Variants in OR1J2 observed in about 807,000 individuals in gnomAD.
The protein encoded by OR1J2 is olfactory receptor family 1 subfamily J member 2, also known as olfactory receptor 1J2.
For missense variants in OR1J2, 304 were observed against 246.1 expected (o/e 1.24, Z -1.57); for synonymous variants, 142 against 99.7 (o/e 1.42, Z -2.52).
chr9:122,496,721 G>C, the OR1J2 span, among the ~76,000 whole-genome samples: 3 of 152,010 alleles, frequency 2.0e-5, no homozygotes, highest in Non-Finnish European at 4.4e-5. Context: ...AGCAGGGAGG[G>C]GGCTTCCAGG....
chr9:122,548,764 C>T, the OR1J2 span, among the ~76,000 whole-genome samples: 31 of 112,550 alleles, frequency 2.8e-4, no homozygotes, highest in Non-Finnish European at 4.8e-4. Flanking sequence ...CCCCACCCCA[C>T]AACAGGCCCC....
the OR1J2 span, chr9:122,449,023 G>A: frequency 4.0e-5 from 6 of 151,290 alleles, no homozygotes; most frequent in East Asian, 1.2e-3. Context: ...AAAAAAGTAG[G>A]GTAAGAACAA....
the OR1J2 span, among the ~76,000 whole-genome samples, chr9:122,457,102 A>G: frequency 6.6e-6 from 1 of 152,180 alleles, no homozygotes; most frequent in African/African-American, 2.4e-5. Context: ...GCCAATCTTC[A>G]GCAAACTAAC....
At chr9:122,471,516 T>C in the OR1J2 span, 1 of 152,132 alleles carries the variant, frequency 6.6e-6, no homozygotes, top group Non-Finnish European at 1.5e-5. Flanking sequence ...GTTCATAATT[T>C]TGGTATGGTT....
At chr9:122,523,909 T>TA in the OR1J2 span, among the ~76,000 whole-genome samples, 1 of 152,216 alleles carries the variant, frequency 6.6e-6, no homozygotes, top group South Asian at 2.1e-4. Context: ...AAGCATGCCC[T>TA]GCTCATTACC....
the OR1J2 span, among the ~76,000 whole-genome samples, chr9:122,539,362 G>C: frequency 6.6e-6 from 1 of 152,076 alleles, no homozygotes; most frequent in Non-Finnish European, 1.5e-5. Flanking sequence ...AGAACATGCG[G>C]TGTTTGGTTT....
At chr9:122,480,958 C>G in the OR1J2 span, among the ~76,000 whole-genome samples, 1 of 152,066 alleles carries the variant, frequency 6.6e-6, no homozygotes, top group Non-Finnish European at 1.5e-5. Flanking sequence ...CTACGCCCAG[C>G]TAATTTTTGT....
chr9:122,579,743 G>C, the OR1J2 span, among the ~76,000 whole-genome samples: 1 of 152,118 alleles, frequency 6.6e-6, no homozygotes, highest in African/African-American at 2.4e-5. Flanking sequence ...TATTAGTCAA[G>C]ATTTGTGTAG....
chr9:122,567,980 A>G, the OR1J2 span: 1 of 1,614,192 alleles, frequency 6.2e-7, no homozygotes, highest in Non-Finnish European at 8.5e-7. Context: ...AGAAGGTGAG[A>G]CGATTCAGCA....
the OR1J2 span, among the ~76,000 whole-genome samples, chr9:122,489,280 AAT>A: frequency 9.4e-5 from 14 of 149,628 alleles, no homozygotes; most frequent in Admixed American, 1.3e-4. Flanking sequence ...TCCATATATA[AAT>A]ATATATATAT....
the OR1J2 span, among the ~76,000 whole-genome samples, chr9:122,457,588 C>A: frequency 4.7e-5 from 7 of 148,846 alleles, no homozygotes; most frequent in Admixed American, 4.0e-4. Context: ...GGAAAAAAAT[C>A]AACAGGAATT....
At chr9:122,544,070 T>G in the OR1J2 span, among the ~76,000 whole-genome samples, 1 of 152,250 alleles carries the variant, frequency 6.6e-6, no homozygotes, top group East Asian at 1.9e-4. Context: ...TAAGATTAAA[T>G]GGAATCTTTC....
At chr9:122,552,749 AGTGTGTGTGTGTGTGTGTGTGTGTGT>A in the OR1J2 span, among the ~76,000 whole-genome samples, 2 of 129,658 alleles carry the variant, frequency 1.5e-5, no homozygotes, top group Non-Finnish European at 3.2e-5. Context: ...AGAGGGCTTG[AGTGTGTGTGTGTGTGTGTGTGTGTGT>A]GTGTGTGTGT....
the OR1J2 span, among the ~76,000 whole-genome samples, chr9:122,557,635 C>T: frequency 8.2e-3 from 1,242 of 152,042 alleles, 16 homozygotes; most frequent in African/African-American, 0.029. Context: ...ATTTTTACAT[C>T]CATATTCATG....
the OR1J2 span, among the ~76,000 whole-genome samples, chr9:122,474,663 G>A: frequency 6.6e-6 from 1 of 152,202 alleles, no homozygotes; most frequent in East Asian, 1.9e-4. Flanking sequence ...CTATTTCCAA[G>A]AAGTTTCTAA....
the OR1J2 span, among the ~76,000 whole-genome samples, chr9:122,461,469 G>A: frequency 6.6e-6 from 1 of 151,596 alleles, no homozygotes; most frequent in Non-Finnish European, 1.5e-5. Flanking sequence ...GTTTGGGTTT[G>A]GATTGTTATT....
At chr9:122,491,322 G>C in the OR1J2 span, among the ~76,000 whole-genome samples, 2 of 152,024 alleles carry the variant, frequency 1.3e-5, no homozygotes, top group Non-Finnish European at 2.9e-5. Context: ...ATATATTTTG[G>C]ATAGAGATAG....
the OR1J2 span, among the ~76,000 whole-genome samples, chr9:122,549,953 A>G: frequency 2.6e-5 from 4 of 152,130 alleles, no homozygotes; most frequent in African/African-American, 9.7e-5. Context: ...TTTGGGCAGC[A>G]TGGTAATTTT....
chr9:122,569,449 T>C, the OR1J2 span, among the ~76,000 whole-genome samples: 290 of 79,662 alleles, frequency 3.6e-3, no homozygotes, highest in African/African-American at 0.013. Flanking sequence ...AAAAAAACTC[T>C]GCAATGAGAA....
Sources: gnomAD v4.1 joint callset for allele counts (sites outside exome capture counted in the v4.1 genomes callset) on GRCh38, gnomAD v4.1.1 for gene constraint, MANE v1.5 for transcripts, NCBI Gene and HGNC (gene_info 2026-07-23, HGNC 2026-07-21) for gene names.